The following SLC37A3 variants were observed in gnomAD, a reference collection of about 807,000 sequenced individuals.
SLC37A3 encodes the protein solute carrier family 37 member 3.
Under a neutral mutation model 67.1 loss-of-function variants are expected in SLC37A3, and 51 were observed. The observed-to-expected ratio is 0.76, with a 90% CI of 0.61 to 0.96. The LOEUF (loss-of-function observed/expected upper bound fraction) is 0.96. SLC37A3 is among the 40% of genes least tolerant of loss of function. SLC37A3 has a pLI of 0.00. For synonymous variants in SLC37A3, 214 were observed against 231.4 expected (o/e 0.92, Z 0.68); for missense variants, 508 against 603.0 (o/e 0.84, Z 1.65).
intron 3 of SLC37A3, among the ~76,000 whole-genome samples, chr7:140,375,627 G>GTGAA (rs1327512096): frequency 1.3e-5 from 2 of 152,208 alleles, no homozygotes; most frequent in African/African-American, 4.8e-5. Flanking sequence ...ACACACGTGT[G>GTGAA]TGAATACTCA....
At chr7:140,385,474 A>G (rs1392770484) in intron 1 of SLC37A3, among the ~76,000 whole-genome samples, 1 of 152,140 alleles carries the variant, frequency 6.6e-6, no homozygotes, top group Non-Finnish European at 1.5e-5. Flanking sequence ...TGAACTGGAC[A>G]CCTTCCCACC....
At chr7:140,348,593 C>CT (rs757352471) in intron 10 of SLC37A3, 33 bp downstream of exon 10, 4 of 1,581,234 alleles carry the variant, frequency 2.5e-6, no homozygotes, top group Non-Finnish European at 3.4e-6. Context: ...GTGACTAACT[C>CT]TTTATTATGG....
At chr7:140,392,657 T>G (rs67100583) in intron 1 of SLC37A3, among the ~76,000 whole-genome samples, 44,703 of 152,098 alleles carry the variant, frequency 0.29, 7,459 homozygotes, top group South Asian at 0.5. Context: ...ATAGGACGCT[T>G]AGGGCTGGGG....
At chr7:140,387,671 T>TA (rs1798513064) in intron 1 of SLC37A3, among the ~76,000 whole-genome samples, 1 of 112,746 alleles carries the variant, frequency 8.9e-6, no homozygotes, top group Non-Finnish European at 1.7e-5. Flanking sequence ...TATAAATATA[T>TA]TATATATAAA....
intron 5 of SLC37A3, among the ~76,000 whole-genome samples, chr7:140,361,196 G>A (rs1797254929): frequency 1.2e-5 from 1 of 83,954 alleles, no homozygotes; most frequent in African/African-American, 3.2e-5. Flanking sequence ...AAAGGAGCAG[G>A]ATAGGGCCAG....
At chr7:140,385,936 T>G (rs76336693) in intron 1 of SLC37A3, among the ~76,000 whole-genome samples, 279 of 152,084 alleles carry the variant, frequency 1.8e-3, no homozygotes, top group African/African-American at 6.4e-3. Flanking sequence ...GCGCCCGCCA[T>G]CATGCCTGGC....
At chr7:140,372,925 T>G (rs1245738069) in intron 3 of SLC37A3, among the ~76,000 whole-genome samples, 3 of 152,070 alleles carry the variant, frequency 2.0e-5, no homozygotes, top group Non-Finnish European at 2.9e-5. Context: ...ATTTTTAATT[T>G]TATAAACTGT....
rs1327865260 is a variant in SLC37A3 at position 140,361,534 on chromosome 7, CCT to C, written c.376-2751_376-2750del. On this transcript the variant is annotated intron_variant, in intron 5 of 14. Transcript: ENST00000326232. ...CCCCCTCCCCCTCCCCCTCCCCCTCCCTCTCTCCCTCTCCGTCTCCCTCTCTC... is the reference window on the plus strand; with the variant it reads ...CCCCCTCCCCCTCCCCCTCCCCCTCCCTCTCCCTCTCCGTCTCCCTCTCTC... Among the ~76,000 whole-genome samples, 392 of 77,728 alleles carry C rather than the reference CCT, an allele frequency of 5.0e-3. 48 individuals carry two copies. In the South Asian group the frequency reaches 0.09, roughly 18 times the overall value. 51.0% of individuals were successfully genotyped at this position (77,728 alleles called of 152,430 possible). A position where few individuals can be genotyped will look rare whatever the true frequency, so the allele number is the denominator to read the frequency against.
In SLC37A3 at chr7:140,392,416, G is replaced by T. The variant is rs142384683; in HGVS notation, c.-71+6000C>A. 2.6e-3 allele frequency among the ~76,000 whole-genome samples: 398 copies of T among 151,976 alleles called. 2 individuals carry two copies. The highest frequency in any genetic ancestry group is 9.0e-3 in the African/African-American group (372 of 41,420). On this transcript the variant is annotated intron_variant, in intron 1 of 14. Transcript: ENST00000326232. ...CCTCCAAAATATATCCCAAATCCCAGCCTCCAGATGGATAAGCTCACTCCC... is the reference window on the plus strand; with the variant it reads ...CCTCCAAAATATATCCCAAATCCCATCCTCCAGATGGATAAGCTCACTCCC...
rs1166166838 is a variant in SLC37A3, at chr7:140,362,980, C to T, written c.375+1428G>A. Among the ~76,000 whole-genome samples, 38 of 89,838 alleles carry T rather than the reference C, an allele frequency of 4.2e-4. 10 individuals carry two copies. Among genetic ancestry groups the T allele is most frequent in the Non-Finnish European group, 8.9e-4 (36 of 40,458 alleles). 58.9% of individuals were successfully genotyped at this position (89,838 alleles called of 152,430 possible). A position where few individuals can be genotyped will look rare whatever the true frequency, so the allele number is the denominator to read the frequency against. On this transcript the variant is annotated intron_variant, in intron 5 of 14. Transcript: ENST00000326232. Reference sequence around the variant, plus strand: ...CCCCCGCCCAGCCGGCCGCCCCGGCCGGGAGGTGAGGGGCGCCTCTGCCCG... The same window carrying T: ...CCCCCGCCCAGCCGGCCGCCCCGGCTGGGAGGTGAGGGGCGCCTCTGCCCG...
chr7:140,343,540 T>G lies in SLC37A3; in HGVS notation c.1198A>C (p.Asn400His), dbSNP rs201488512. The G allele has an allele frequency of 1.7e-5, 28 of 1,614,136 alleles. No individual in the cohort carries two copies. In the African/African-American group the frequency reaches 3.6e-4, roughly 21 times the overall value. The change falls in exon 13 of 15, where the codon AAT becomes CAT. Residue 400 changes from asparagine (N) to histidine (H), a missense_variant. Asn to His is a moderately conservative substitution (Grantham distance 68). Transcript: ENST00000326232. ...GCAGAAATAGCAGAACTAATCATAT[T>G]AGAAGGTCCACCAATAAAAAATCCT... Reference protein sequence around the residue: ...VTGFFIGGPSNMISSAISADL... With the variant: ...VTGFFIGGPSHMISSAISADL...
chr7:140,361,520 T>TC (rs1797283637), intron 5 of SLC37A3, among the ~76,000 whole-genome samples: 1 of 38,746 alleles, frequency 2.6e-5, no homozygotes, highest in Non-Finnish European at 4.9e-5. Context: ...CCCCTCCCCC[T>TC]CCCCCTCCCC....
In SLC37A3 at chr7:140,364,465, C is replaced by G; in HGVS notation, c.318G>C (p.Gly106=). The change falls in exon 5 of 15, where the codon GGG becomes GGC. Residue 106 remains glycine (G), a synonymous_variant. Coordinates refer to ENST00000326232, the MANE Select transcript of SLC37A3 (RefSeq NM_207113.3). ...AVGLFISGIV[G]DRLNLRWVLS... is the part of the protein sequence containing the mutation. Reference sequence around the variant, plus strand: ...GAACCCATCGCAAATTCAACCGATCCCCAACGATGCCACTGATGAATAGGC... The same window carrying G: ...GAACCCATCGCAAATTCAACCGATCGCCAACGATGCCACTGATGAATAGGC... 2 of 1,613,928 alleles carry G rather than the reference C, an allele frequency of 1.2e-6. No homozygotes were observed. The highest frequency in any genetic ancestry group is 1.7e-6 in the Non-Finnish European group (2 of 1,180,006).
chr7:140,384,557 A>G (rs1798375656), intron 1 of SLC37A3, among the ~76,000 whole-genome samples: 1 of 119,468 alleles, frequency 8.4e-6, no homozygotes. Flanking sequence ...ACAAAAACTA[A>G]AAAAAAAAAA....
At chr7:140,377,294 G>A (rs1203609223) in intron 3 of SLC37A3, among the ~76,000 whole-genome samples, 1 of 151,568 alleles carries the variant, frequency 6.6e-6, no homozygotes, top group African/African-American at 2.4e-5. Context: ...CAAACTCCTG[G>A]GCTCAAGCAA....
chr7:140,383,735 G>A (rs1284797813), intron 1 of SLC37A3, among the ~76,000 whole-genome samples: 2 of 151,904 alleles, frequency 1.3e-5, no homozygotes, highest in South Asian at 2.1e-4. Flanking sequence ...GGCATACAGT[G>A]GCACGATCTC....
intron 1 of SLC37A3, among the ~76,000 whole-genome samples, chr7:140,397,646 A>G (rs1219939595): frequency 6.6e-6 from 1 of 152,186 alleles, no homozygotes; most frequent in Non-Finnish European, 1.5e-5. Flanking sequence ...ACTGTTATAT[A>G]TATTTATGTA....
intron 7 of SLC37A3, among the ~76,000 whole-genome samples, chr7:140,355,066 A>C (rs1184618915): frequency 1.3e-5 from 2 of 152,098 alleles, no homozygotes; most frequent in Non-Finnish European, 2.9e-5. Flanking sequence ...TTTATCTGTA[A>C]CATGAGTTGC....
intron 4 of SLC37A3, among the ~76,000 whole-genome samples, chr7:140,365,103 A>G (rs1198134967): frequency 6.6e-6 from 1 of 152,152 alleles, no homozygotes; most frequent in Non-Finnish European, 1.5e-5. Flanking sequence ...AGGCAGAGAC[A>G]ATAATTAGCT....
Sources: allele counts gnomAD v4.1 joint callset (sites outside exome capture counted in the v4.1 genomes callset), GRCh38; gene constraint gnomAD v4.1.1; transcripts MANE v1.5; gene names NCBI Gene and HGNC (gene_info 2026-07-23, HGNC 2026-07-21).